The following OR51E2 variants were observed in gnomAD, a reference collection of about 807,000 sequenced individuals.
The protein encoded by OR51E2 is olfactory receptor 51E2.
A neutral mutation model predicts 13.7 loss-of-function variants in OR51E2; 14 were observed. The ratio of observed to expected loss-of-function variants is 1.02; its 90% CI spans 0.68 to 1.60. OR51E2 has a LOEUF of 1.60. Among genes scored for constraint, OR51E2 ranks in the 40% most tolerant of loss-of-function variants. The pLI is 0.00. For synonymous variants in OR51E2, 180 were observed against 157.6 expected (o/e 1.14, Z -1.07); for missense variants, 483 against 413.8 (o/e 1.17, Z -1.45).
At chr11:4,685,805 G>A (rs990700923) in intron 1 of OR51E2, 1 of 152,170 alleles carries the variant, frequency 6.6e-6, no homozygotes, top group African/African-American at 2.4e-5. Flanking sequence ...GGATATTGAG[G>A]TATCCTCAGT....
Position 4,681,193 on chromosome 11 carries a change from A to C in OR51E2, c.*556T>G, listed in dbSNP as rs1006463343. On this transcript the variant is annotated 3_prime_UTR_variant, in exon 2 of 2. Coordinates refer to ENST00000396950, the MANE Select transcript of OR51E2 (RefSeq NM_030774.4). ...GGTGAAACTCTGTCTCTACTAAAAA[A>C]TACAGAAAATTAGCCAGTCATGGTG... 6.4e-6 allele frequency: 1 copy of C among 156,998 alleles called. No homozygotes were observed. Among genetic ancestry groups the C allele is most frequent in the African/African-American group, 2.4e-5 (1 of 41,418 alleles). The allele number at this position is 156,998 out of a possible 1,614,324, so 9.7% of individuals were successfully genotyped here.
Position 4,682,315 on chromosome 11 carries a change from C to T in OR51E2, c.397G>A (p.Ala133Thr). 6.2e-7 allele frequency: 1 copy of T among 1,614,170 alleles called. No homozygotes were observed. The highest frequency in any genetic ancestry group is 1.1e-5 in the South Asian group (1 of 91,086). The stretch of plus-strand genomic sequence containing the variant: ...GCTGTTACTGTATTGTTGAGCACTG[C>T]AGCATGGCGCAGTGGGTGGCAGATG... Reference protein sequence around the residue: ...VAICHPLRHAAVLNNTVTAQI... With the variant: ...VAICHPLRHATVLNNTVTAQI... The change falls in exon 2 of 2, where the codon GCA becomes ACA. Residue 133 changes from alanine to threonine, a missense_variant. By Grantham distance (58) the Ala-to-Thr change is moderately conservative (BLOSUM62 0). Coordinates refer to ENST00000396950, the MANE Select transcript of OR51E2 (RefSeq NM_030774.4).
At chr11:4,686,659 A>G (rs1847518498) in intron 1 of OR51E2, among the ~76,000 whole-genome samples, 1 of 152,112 alleles carries the variant, frequency 6.6e-6, no homozygotes, top group African/African-American at 2.4e-5. Flanking sequence ...GATCTTGTCT[A>G]TTTTTCCTTC....
intron 1 of OR51E2, chr11:4,691,405 A>G (rs1208702343): frequency 2.2e-6 from 1 of 457,830 alleles, no homozygotes; most frequent in Non-Finnish European, 4.4e-6. Flanking sequence ...ATGTGGGACA[A>G]GCAGGCATTA....
chr11:4,694,540 G>T (rs1417711971), intron 1 of OR51E2, among the ~76,000 whole-genome samples: 2 of 125,462 alleles, frequency 1.6e-5, no homozygotes, highest in Non-Finnish European at 3.4e-5. Context: ...ACATATATAC[G>T]TATATATATA....
At position 4,681,641 on chromosome 11, in the gene OR51E2, G is replaced by C; in HGVS notation, c.*108C>G. The C allele has an allele frequency of 7.8e-7, 1 of 1,281,514 alleles. No homozygotes were observed. The highest frequency in any genetic ancestry group is 1.9e-5 in the Admixed American group (1 of 53,326). The allele number at this position is 1,281,514 out of a possible 1,614,324, so 79.4% of individuals were successfully genotyped here. ...TACCATACTTTAGTTTACTATTCCA[G>C]CCAGAGAAAAGTACTGATGTGCTTA... is the stretch of plus-strand genomic sequence containing the variant. On this transcript the variant is annotated 3_prime_UTR_variant, in exon 2 of 2. Transcript: ENST00000396950.
chr11:4,682,220 C>A lies in OR51E2; in HGVS notation c.492G>T (p.Arg164=). ...FFFPLPLLIK[R]LAFCHSNVLS... ...GGACATTGGAGTGGCAGAAGGCCAG[C>A]CGCTTGATCAGCAGAGGCAGTGGGA... The change falls in exon 2 of 2, where the codon CGG becomes CGT. Residue 164 remains arginine, a synonymous_variant. Coordinates refer to ENST00000396950, the MANE Select transcript of OR51E2 (RefSeq NM_030774.4). 1 of 1,614,168 alleles carries A rather than the reference C, an allele frequency of 6.2e-7. No individual in the cohort carries two copies. The highest frequency in any genetic ancestry group is 2.2e-5 in the East Asian group (1 of 44,874).
chr11:4,696,899 G>C (rs1425558105), intron 1 of OR51E2, among the ~76,000 whole-genome samples: 1 of 152,124 alleles, frequency 6.6e-6, no homozygotes, highest in Admixed American at 6.5e-5. Context: ...ACTGACCTGG[G>C]TTCAGATTCT....
intron 1 of OR51E2, among the ~76,000 whole-genome samples, chr11:4,687,591 C>G (rs928244697): frequency 1.3e-5 from 2 of 152,164 alleles, no homozygotes; most frequent in Non-Finnish European, 1.5e-5. Flanking sequence ...CCTTACACAT[C>G]AAAGATAGTA....
chr11:4,691,194 T>C, intron 1 of OR51E2: 2 of 456,676 alleles, frequency 4.4e-6, no homozygotes, highest in Non-Finnish European at 8.8e-6. Context: ...GCTGTGGCAG[T>C]AGGAAAGTCT....
At chr11:4,686,378 A>G (rs576205171) in intron 1 of OR51E2, among the ~76,000 whole-genome samples, 1 of 152,356 alleles carries the variant, frequency 6.6e-6, no homozygotes, top group South Asian at 2.1e-4. Flanking sequence ...AGAGTCAACC[A>G]AAAAGGAAAG....
In OR51E2 at chr11:4,681,639, C is replaced by T; in HGVS notation, c.*110G>A. 1 of 1,258,730 alleles carries T rather than the reference C, an allele frequency of 7.9e-7. No homozygotes were observed. The highest frequency in any genetic ancestry group is 1.1e-6 in the Non-Finnish European group (1 of 887,136). 78.0% of individuals were successfully genotyped at this position (1,258,730 alleles called of 1,614,324 possible). On this transcript the variant is annotated 3_prime_UTR_variant, in exon 2 of 2. Coordinates refer to ENST00000396950, the MANE Select transcript of OR51E2 (RefSeq NM_030774.4). Reference sequence around the variant, plus strand: ...TGTACCATACTTTAGTTTACTATTCCAGCCAGAGAAAAGTACTGATGTGCT... The same window carrying T: ...TGTACCATACTTTAGTTTACTATTCTAGCCAGAGAAAAGTACTGATGTGCT...
chr11:4,694,511 T>C (rs1049768272), intron 1 of OR51E2, among the ~76,000 whole-genome samples: 13 of 120,908 alleles, frequency 1.1e-4, no homozygotes, highest in South Asian at 8.1e-4. Context: ...TACACACACA[T>C]ATATATATAT....
chr11:4,692,141 G>A (rs927698364), intron 1 of OR51E2: 1 of 451,486 alleles, frequency 2.2e-6, no homozygotes, highest in African/African-American at 2.0e-5. Context: ...TGGGGCTGTG[G>A]AACAGCAATA....
intron 1 of OR51E2, among the ~76,000 whole-genome samples, chr11:4,694,187 T>C (rs1847622933): frequency 1.3e-5 from 2 of 152,192 alleles, no homozygotes. Context: ...TCATTGCCTA[T>C]TTTCATTCTT....
intron 1 of OR51E2, 52 bp from the exon 2 acceptor site, chr11:4,682,813 C>T (rs954257461): frequency 4.6e-6 from 6 of 1,307,238 alleles, no homozygotes; most frequent in Non-Finnish European, 6.3e-6. Flanking sequence ...TTGAAACTGA[C>T]ATCCCACCCC....
chr11:4,687,948 A>G (rs1043039604), intron 1 of OR51E2, among the ~76,000 whole-genome samples: 1 of 152,194 alleles, frequency 6.6e-6, no homozygotes, highest in Non-Finnish European at 1.5e-5. Flanking sequence ...GACTTAGGAC[A>G]TGCAGGTTGT....
chr11:4,688,342 C>A lies in OR51E2; in HGVS notation c.-50-5581G>T, dbSNP rs111849649. Among the ~76,000 whole-genome samples the A allele has an allele frequency of 3.3e-3, 497 of 152,100 alleles. 7 individuals are homozygous for A. The highest frequency in any genetic ancestry group is 0.011 in the African/African-American group (477 of 41,510). On this transcript the variant is annotated intron_variant, in intron 1 of 1. Transcript: ENST00000396950. ...AAAGTGAGGTGTAAGTCACGTGGGT[C>A]TCTGGAGGACGAACATTCCAGGTTG...
rs1564889166 is a variant in OR51E2 at position 4,697,808 on chromosome 11, G to A, written c.-206C>T. 6.6e-6 allele frequency: 1 copy of A among 152,440 alleles called. No homozygotes were observed. Among genetic ancestry groups the A allele is most frequent in the Admixed American group, 6.5e-5 (1 of 15,272 alleles). 9.4% of individuals were successfully genotyped at this position (152,440 alleles called of 1,614,324 possible). A position where few individuals can be genotyped will look rare whatever the true frequency, so the allele number is the denominator to read the frequency against. ...AGAGCTGAAAGGCCAATTCCTGGTGGTGGTGCTAACTCACTGTGTCTTCAG... is the reference window on the plus strand; with the variant it reads ...AGAGCTGAAAGGCCAATTCCTGGTGATGGTGCTAACTCACTGTGTCTTCAG... On this transcript the variant is annotated 5_prime_UTR_variant, in exon 1 of 2. Transcript: ENST00000396950.
Sources: allele counts gnomAD v4.1 joint callset (sites outside exome capture counted in the v4.1 genomes callset), GRCh38; gene constraint gnomAD v4.1.1; transcripts MANE v1.5; gene names NCBI Gene and HGNC (gene_info 2026-07-23, HGNC 2026-07-21).